The following CAPN15 variants were observed in gnomAD, a reference collection of about 807,000 sequenced individuals.
CAPN15 encodes the protein calpain 15.
In CAPN15, 53 loss-of-function variants were observed where a neutral mutation model predicts 97.9. The observed-to-expected ratio is 0.54, with a 90% confidence interval of 0.43 to 0.68. The LOEUF (loss-of-function observed/expected upper bound fraction) is 0.68, where lower values mean the gene tolerates loss of function less well. Among genes scored for constraint, CAPN15 ranks in the 30% least tolerant of loss-of-function variants. CAPN15 has a pLI of 0.00. For synonymous variants in CAPN15, 922 were observed against 722.5 expected, an observed-to-expected ratio of 1.28 and a Z score of -4.43; for missense variants, 1,592 against 1,589.8, an observed-to-expected ratio of 1.00 and a Z score of -0.02.
In CAPN15 at chr16:551,777, T is replaced by G. The variant is rs2035098732; in HGVS notation, c.2345+113T>G. The G allele has an allele frequency of 2.2e-6, 3 of 1,343,398 alleles. No individual in the cohort carries two copies. In the South Asian group the frequency reaches 3.7e-5, roughly 16 times the overall value. 83.2% of individuals were successfully genotyped at this position (1,343,398 alleles called of 1,614,324 possible). On this transcript the variant is annotated intron_variant, in intron 9 of 13. Coordinates refer to ENST00000219611, the MANE Select transcript of CAPN15 (RefSeq NM_005632.3). ...GACCTGGGGTGGGGCGGCTTGTTCG[T>G]GGCCCAAATGGGACCTGGAGCTTCA...
At chr16:546,280 T>C (rs1016107680) in intron 3 of CAPN15, among the ~76,000 whole-genome samples, 6 of 152,222 alleles carry the variant, frequency 3.9e-5, no homozygotes, top group African/African-American at 1.2e-4. Flanking sequence ...GAGCACAAGA[T>C]TCAGGCCATA....
At chr16:530,799 C>T (rs1341918024) in intron 1 of CAPN15, among the ~76,000 whole-genome samples, 1 of 152,230 alleles carries the variant, frequency 6.6e-6, no homozygotes, top group African/African-American at 2.4e-5. Flanking sequence ...CCAAGATGAG[C>T]TGCGTCAGGC....
Position 552,611 on chromosome 16 carries a change from G to A in CAPN15, c.2744G>A (p.Ser915Asn). Residue 915 changes from serine (S) to asparagine (N), a missense_variant, in exon 12 of 14, where the codon AGC becomes AAC. Transcript: ENST00000219611. The surrounding 1 kb of genome is among the most constrained non-coding windows in gnomAD (Gnocchi z 6.4). The part of the protein sequence containing the change: ...LPGTPAPQAS[S>N]PSAGVPRASP... Reference sequence around the variant, plus strand: ...CACACGCCCGTCCTTGTAGCCTCCAGCCCCTCGGCAGGGGTCCCGAGAGCC... The same window carrying A: ...CACACGCCCGTCCTTGTAGCCTCCAACCCCTCGGCAGGGGTCCCGAGAGCC... The A allele has an allele frequency of 1.3e-6, 2 of 1,538,806 alleles. No individual in the cohort carries two copies. Among genetic ancestry groups the A allele is most frequent in the South Asian group, 1.2e-5 (1 of 84,806 alleles).
At chr16:551,793 T>G (rs773117763) in intron 9 of CAPN15, 129 bp downstream of exon 9, 9 of 1,242,100 alleles carry the variant, frequency 7.2e-6, no homozygotes, top group Non-Finnish European at 1.0e-5. Flanking sequence ...AAATGGGACC[T>G]GGAGCTTCAG....
At chr16:541,647 T>A (rs1485021712) in intron 3 of CAPN15, among the ~76,000 whole-genome samples, 1 of 152,244 alleles carries the variant, frequency 6.6e-6, no homozygotes, top group East Asian at 1.9e-4. Context: ...GAGTGCAGTT[T>A]GGTCACTCTT....
At chr16:532,368 A>G (rs950989077) in intron 1 of CAPN15, among the ~76,000 whole-genome samples, 63 of 150,680 alleles carry the variant, frequency 4.2e-4, no homozygotes, top group Admixed American at 9.9e-4. Context: ...AGCATGGCCA[A>G]CGTGACGAAA....
At chr16:544,738 CCCCCACGTCGTCGCCT>C (rs2034434052) in intron 3 of CAPN15, among the ~76,000 whole-genome samples, 1 of 73,980 alleles carries the variant, frequency 1.4e-5, no homozygotes, top group Non-Finnish European at 2.8e-5. Context: ...CACGTCGCCT[CCCCCACGTCGTCGCCT>C]CCCCCACGTC....
intron 9 of CAPN15, 56 bp downstream of exon 9, chr16:551,720 C>T (rs1007751553): frequency 1.9e-6 from 3 of 1,573,120 alleles, no homozygotes; most frequent in African/African-American, 1.3e-5. Flanking sequence ...GGGCCGAGTC[C>T]TTCTCTGGAG....
intron 7 of CAPN15, among the ~76,000 whole-genome samples, chr16:550,731 CCCG>C (rs1199599670): frequency 1.2e-4 from 18 of 147,198 alleles, no homozygotes; most frequent in African/African-American, 3.8e-4. Context: ...GGTGAGGGTC[CCCG>C]TCGGTGAGGG....
At position 552,105 on chromosome 16, in the gene CAPN15, G is replaced by A. The variant is rs1401342534; in HGVS notation, c.2400G>A (p.Arg800=). ...TGCACTCGGACTGGCAGGAGGCGCGGGTGCAGGGCTGCTTTCCCAGCTCGG... is the reference window on the plus strand; with the variant it reads ...TGCACTCGGACTGGCAGGAGGCGCGAGTGCAGGGCTGCTTTCCCAGCTCGG... The part of the protein sequence containing the change: ...CKVHSDWQEA[R]VQGCFPSSAS... Residue 800 remains arginine, a synonymous_variant, in exon 10 of 14, where the codon CGG becomes CGA. Transcript: ENST00000219611. The surrounding 1 kb of genome is among the most constrained non-coding windows in gnomAD (Gnocchi z 6.4). 1.3e-6 allele frequency: 2 copies of A among 1,549,070 alleles called. No homozygotes were observed. The highest frequency in any genetic ancestry group is 2.0e-5 in the Admixed American group (1 of 51,038).
chr16:552,940 C>T lies in CAPN15; in HGVS notation c.2982C>T (p.Pro994=). The T allele has an allele frequency of 6.2e-7, 1 of 1,612,026 alleles. No homozygotes were observed. The highest frequency in any genetic ancestry group is 8.5e-7 in the Non-Finnish European group (1 of 1,179,528). The change falls in exon 13 of 14, where the codon CCC becomes CCT. Residue 994 remains proline (P), a synonymous_variant. Transcript: ENST00000219611. The surrounding 1 kb of genome is among the most constrained non-coding windows in gnomAD (Gnocchi z 6.4). ...TCGTGGTGGTGGAGAACCGACACCC[C>T]AAGGCCTACCTGCACGTGCAGTGTG... ...GLIVVVENRH[P]KAYLHVQCDC...
chr16:539,938 C>T (rs1418867931), intron 3 of CAPN15: 2 of 351,614 alleles, frequency 5.7e-6, no homozygotes, highest in South Asian at 1.1e-4. Flanking sequence ...GTGCCGAAGT[C>T]GGGCCGCAGG....
chr16:534,592 G>A (rs953166790), intron 2 of CAPN15, among the ~76,000 whole-genome samples: 7 of 152,204 alleles, frequency 4.6e-5, no homozygotes, highest in South Asian at 2.1e-4. Flanking sequence ...GGGCCTTAGC[G>A]TCAGTGGGGA....
chr16:539,895 G>GCCATGGGGAGCTCCGCCTCCTCCC, intron 3 of CAPN15: 1 of 161,340 alleles, frequency 6.2e-6, no homozygotes, highest in Non-Finnish European at 1.3e-5. Flanking sequence ...GGGCCGGGGG[G>GCCATGGGGAGCTCCGCCTCCTCCC]TGTCCTAGGG....
At chr16:544,355 C>T (rs1333600109) in intron 3 of CAPN15, among the ~76,000 whole-genome samples, 1 of 151,984 alleles carries the variant, frequency 6.6e-6, no homozygotes, top group Non-Finnish European at 1.5e-5. Flanking sequence ...CTCGGTGTGG[C>T]CTCAGGGCTC....
In CAPN15 at chr16:549,337, C is replaced by G; in HGVS notation, c.1708C>G (p.Arg570Gly). Residue 570 changes from arginine (R) to glycine (G), a missense_variant, in exon 6 of 14, where the codon CGG becomes GGG. Arg to Gly is a moderately radical substitution (Grantham distance 125). Transcript: ENST00000219611. ...GGCGGAGCGGCCGGACCTGGTGGAG[C>G]GGGTGATGGTCACGCGCAGCCTGTG... ...VLAERPDLVE[R>G]VMVTRSLCAE... 1 of 1,594,698 alleles carries G rather than the reference C, an allele frequency of 6.3e-7. No homozygotes were observed. The highest frequency in any genetic ancestry group is 1.1e-5 in the South Asian group (1 of 89,884).
Position 554,556 on chromosome 16 carries a change from C to T in CAPN15, c.*1040C>T. The T allele has an allele frequency of 2.2e-6, 1 of 456,264 alleles. No homozygotes were observed. Among genetic ancestry groups the T allele is most frequent in the Non-Finnish European group, 4.4e-6 (1 of 226,758 alleles). 28.3% of individuals were successfully genotyped at this position (456,264 alleles called of 1,614,324 possible). A position where few individuals can be genotyped will look rare whatever the true frequency, so the allele number is the denominator to read the frequency against. On this transcript the variant is annotated 3_prime_UTR_variant, in exon 14 of 14. Coordinates refer to ENST00000219611, the MANE Select transcript of CAPN15 (RefSeq NM_005632.3). ...GAGACTATTTTATCAATTGTCAGTCCCGTTCCTTTACCATAGGATTCTCCA... is the reference window on the plus strand; with the variant it reads ...GAGACTATTTTATCAATTGTCAGTCTCGTTCCTTTACCATAGGATTCTCCA...
intron 4 of CAPN15, 60 bp from the exon 5 acceptor site, chr16:548,933 C>A: frequency 6.5e-7 from 1 of 1,527,242 alleles, no homozygotes; most frequent in Non-Finnish European, 9.1e-7. Flanking sequence ...GGGTCTTGTC[C>A]CTGCCAGGTG....
rs1310447622 is a variant in CAPN15, at chr16:535,348, G to C, written c.-136-681G>C. 6.5e-6 allele frequency: 1 copy of C among 154,176 alleles called. No homozygotes were observed. The highest frequency in any genetic ancestry group is 1.5e-5 in the Non-Finnish European group (1 of 68,066). 9.6% of individuals were successfully genotyped at this position (154,176 alleles called of 1,614,324 possible). A position where few individuals can be genotyped will look rare whatever the true frequency, so the allele number is the denominator to read the frequency against. ...CCTCCGGGACTCAGCCCTGTGCTGA[G>C]CCCCGGGCAGTGTGATCATCCTGGC... On this transcript the variant is annotated intron_variant, in intron 2 of 13. Transcript: ENST00000219611. The surrounding 1 kb of genome is among the most constrained non-coding windows in gnomAD (Gnocchi z 6.2).
Sources: allele counts gnomAD v4.1 joint callset (sites outside exome capture counted in the v4.1 genomes callset), GRCh38; gene constraint gnomAD v4.1.1; non-coding constraint Gnocchi (gnomAD v3.1); transcripts MANE v1.5; gene names NCBI Gene and HGNC (gene_info 2026-07-23, HGNC 2026-07-21).